The following ACOX3 variants were observed in gnomAD, a reference collection of about 807,000 sequenced individuals.
The protein encoded by ACOX3 is peroxisomal acyl-coenzyme A oxidase 3.
A neutral mutation model predicts 81.5 loss-of-function variants in ACOX3; 73 were observed. The observed-to-expected ratio is 0.90, with a 90% CI of 0.74 to 1.09. ACOX3 has a LOEUF of 1.09. Ranked by LOEUF, ACOX3 falls within the 50% of genes least tolerant of loss-of-function variation. The pLI, the probability that ACOX3 is intolerant of heterozygous loss-of-function variation, is 0.00. For synonymous variants in ACOX3, 387 were observed against 375.1 expected, an observed-to-expected ratio of 1.03 and a Z score of -0.37; for missense variants, 947 against 928.0, an observed-to-expected ratio of 1.02 and a Z score of -0.27.
chr4:8,387,151 C>T (rs1242455605), intron 13 of ACOX3, among the ~76,000 whole-genome samples: 1 of 152,284 alleles, frequency 6.6e-6, no homozygotes, highest in Non-Finnish European at 1.5e-5. Flanking sequence ...AACTCTGTGG[C>T]TGCTGAGCTG....
chr4:8,367,189 A>G lies in ACOX3; in HGVS notation c.1984-109T>C, dbSNP rs554924029. The G allele has an allele frequency of 1.0e-3, 1,474 of 1,439,752 alleles. 2 individuals carry two copies. The highest frequency in any genetic ancestry group is 1.3e-3 in the Non-Finnish European group (1,351 of 1,069,816). The allele number at this position is 1,439,752 out of a possible 1,614,324, so 89.2% of individuals were successfully genotyped here. A position where few individuals can be genotyped will look rare whatever the true frequency, so the allele number is the denominator to read the frequency against. On this transcript the variant is annotated intron_variant, in intron 17 of 17. Transcript: ENST00000356406. ...TCCTCAAAGTTTTTGTTAAAAACAC[A>G]GGAAATTCGGCTGGGCACAGTGGCT...
rs763826757 is a variant in ACOX3 at position 8,432,522 on chromosome 4, C to A, written c.-15+8126G>T. Among the ~76,000 whole-genome samples, 2 of 152,076 alleles carry A rather than the reference C, an allele frequency of 1.3e-5. No individual in the cohort carries two copies. Among genetic ancestry groups the A allele is most frequent in the Non-Finnish European group, 2.9e-5 (2 of 68,026 alleles). ...TGCTGGGATTACAGGCGTGAGCCAC[C>A]GCGCCCGGCCTGATTTTTTTTTTTA... On this transcript the variant is annotated intron_variant, in intron 1 of 17. Coordinates refer to ENST00000356406, the MANE Select transcript of ACOX3 (RefSeq NM_003501.3). This position sits in a 1 kb window ranked among gnomAD's most constrained non-coding sequence, Gnocchi z 6.2.
At chr4:8,429,856 C>T (rs903261865) in intron 1 of ACOX3, among the ~76,000 whole-genome samples, 1 of 152,108 alleles carries the variant, frequency 6.6e-6, no homozygotes, top group Middle Eastern at 3.4e-3. Context: ...GCGGGAGAAT[C>T]ACTTGAGCCC....
At chr4:8,356,607 C>T in the ACOX3 span, 30 of 456,066 alleles carry the variant, frequency 6.6e-5, no homozygotes, top group East Asian at 5.6e-4. Flanking sequence ...GAATGGTGTA[C>T]GCTAACATGA....
rs1719418674 is a variant in ACOX3, at chr4:8,394,325, G to C, written c.1179+295C>G. Among the ~76,000 whole-genome samples, 1 of 152,172 alleles carries C rather than the reference G, an allele frequency of 6.6e-6. No homozygotes were observed. Among genetic ancestry groups the C allele is most frequent in the Admixed American group, 6.5e-5 (1 of 15,278 alleles). ...AACCATGAAATCCACTGAGGGGCGG[G>C]TAACGTGGATTTTGCAAAACCGTCA... is the stretch of plus-strand genomic sequence containing the variant. On this transcript the variant is annotated intron_variant, in intron 10 of 17. Transcript: ENST00000356406. This position sits in a 1 kb window ranked among gnomAD's most constrained non-coding sequence, Gnocchi z 5.9.
intron 6 of ACOX3, 50 bp downstream of exon 6, chr4:8,410,162 C>G: frequency 6.3e-7 from 1 of 1,581,782 alleles, no homozygotes. Context: ...ATTACCAGTG[C>G]TTCCTGGGGG....
chr4:8,404,305 C>T (rs1259307325), intron 7 of ACOX3, among the ~76,000 whole-genome samples: 2 of 152,192 alleles, frequency 1.3e-5, no homozygotes, highest in African/African-American at 2.4e-5. Context: ...GTCGGGGTGG[C>T]GCTCTCCTCC....
At chr4:8,361,455 AAAGGATTGTTTTAAATTAGAATC>A (rs1715233414), downstream of ACOX3, among the ~76,000 whole-genome samples, 1 of 150,228 alleles carries the variant, frequency 6.7e-6, no homozygotes, top group Non-Finnish European at 1.5e-5. Context: ...AAAAAAAAAA[AAAGGATTGTTTTAAATTAGAATC>A]AAGCTGAAGG....
At chr4:8,415,279 G>C (rs928058579) in intron 3 of ACOX3, among the ~76,000 whole-genome samples, 1 of 152,218 alleles carries the variant, frequency 6.6e-6, no homozygotes, top group African/African-American at 2.4e-5. Context: ...TGTAAGGAGA[G>C]CAGAGCCCAC....
rs1359781272 is a variant in ACOX3, at chr4:8,384,621, C to T, written c.1538-3014G>A. Among the ~76,000 whole-genome samples, 1 of 152,196 alleles carries T rather than the reference C, an allele frequency of 6.6e-6. No homozygotes were observed. Among genetic ancestry groups the T allele is most frequent in the Non-Finnish European group, 1.5e-5 (1 of 68,032 alleles). Reference sequence around the variant, plus strand: ...GTGCACCCAATGACTGCCCCTCGATCTGCCCCCTCCCCAGCTGGGGCTCTG... The same window carrying T: ...GTGCACCCAATGACTGCCCCTCGATTTGCCCCCTCCCCAGCTGGGGCTCTG... On this transcript the variant is annotated intron_variant, in intron 13 of 17. Transcript: ENST00000356406. The surrounding 1 kb of genome is among the most constrained non-coding windows in gnomAD (Gnocchi z 5.3).
intron 5 of ACOX3, among the ~76,000 whole-genome samples, chr4:8,411,509 C>A (rs1721722679): frequency 6.6e-6 from 1 of 152,180 alleles, no homozygotes; most frequent in African/African-American, 2.4e-5. Flanking sequence ...GTAAGGAGGG[C>A]TCCCAGTCTC....
At chr4:8,418,737 G>A (rs1232044148) in intron 1 of ACOX3, among the ~76,000 whole-genome samples, 3 of 152,062 alleles carry the variant, frequency 2.0e-5, no homozygotes, top group Admixed American at 6.6e-5. Flanking sequence ...GCGCATGCTT[G>A]TAATCCCAGA....
rs1723903265 is a variant in ACOX3, at chr4:8,430,663, C to T, written c.-15+9985G>A. Among the ~76,000 whole-genome samples, 1 of 152,148 alleles carries T rather than the reference C, an allele frequency of 6.6e-6. No homozygotes were observed. The highest frequency in any genetic ancestry group is 2.4e-5 in the African/African-American group (1 of 41,422). ...TTGAGGTCAGGAGTTTGAGACCAGC[C>T]TGGCCAACATGGTGAAACCCCATCT... On this transcript the variant is annotated intron_variant, in intron 1 of 17. Transcript: ENST00000356406. This position sits in a 1 kb window ranked among gnomAD's most constrained non-coding sequence, Gnocchi z 5.2.
In ACOX3 at chr4:8,430,272, C is replaced by T. The variant is rs1007313028; in HGVS notation, c.-15+10376G>A. Among the ~76,000 whole-genome samples the T allele has an allele frequency of 6.6e-6, 1 of 152,180 alleles. No individual in the cohort carries two copies. The highest frequency in any genetic ancestry group is 1.5e-5 in the Non-Finnish European group (1 of 68,036). ...AGATCATTTCGGGCCTGGCAGGTACCCTGCTAAGCAGTCGGAAGTGATCCT... is the reference window on the plus strand; with the variant it reads ...AGATCATTTCGGGCCTGGCAGGTACTCTGCTAAGCAGTCGGAAGTGATCCT... On this transcript the variant is annotated intron_variant, in intron 1 of 17. Transcript: ENST00000356406. This position sits in a 1 kb window ranked among gnomAD's most constrained non-coding sequence, Gnocchi z 5.2.
chr4:8,368,290 C>T lies in ACOX3; in HGVS notation c.1984-1210G>A, dbSNP rs1390069345. ...TCACTGCTCTCAGCCTAAGTGGCCTCACTGGGAAGATGGGGAGAGACGCTC... is the reference window on the plus strand; with the variant it reads ...TCACTGCTCTCAGCCTAAGTGGCCTTACTGGGAAGATGGGGAGAGACGCTC... On this transcript the variant is annotated intron_variant, in intron 17 of 17. Coordinates refer to ENST00000356406, the MANE Select transcript of ACOX3 (RefSeq NM_003501.3). This position sits in a 1 kb window ranked among gnomAD's most constrained non-coding sequence, Gnocchi z 5.9. 1.3e-5 allele frequency among the ~76,000 whole-genome samples: 2 copies of T among 152,244 alleles called. No individual in the cohort carries two copies.
rs757468917 is a variant in ACOX3 at position 8,399,541 on chromosome 4, C to A, written c.873+15G>T. The A allele has an allele frequency of 1.2e-6, 2 of 1,602,122 alleles. No individual in the cohort carries two copies. Among genetic ancestry groups the A allele is most frequent in the South Asian group, 1.1e-5 (1 of 90,704 alleles). On this transcript the variant is annotated intron_variant, in intron 8 of 17. Transcript: ENST00000356406. This position sits in a 1 kb window ranked among gnomAD's most constrained non-coding sequence, Gnocchi z 4.9. ...CTGGGAAGCACGGCACACGAACGGC[C>A]CCCCATGCCTGTACCTTAAAGGGGC...
At position 8,419,143 on chromosome 4, in the gene ACOX3, C is replaced by A. The variant is rs1415644349; in HGVS notation, c.-14-2608G>T. Among the ~76,000 whole-genome samples the A allele has an allele frequency of 5.3e-5, 8 of 151,716 alleles. No homozygotes were observed. Among genetic ancestry groups the A allele is most frequent in the Non-Finnish European group, 8.8e-5 (6 of 67,912 alleles). On this transcript the variant is annotated intron_variant, in intron 1 of 17. Transcript: ENST00000356406. This position sits in a 1 kb window ranked among gnomAD's most constrained non-coding sequence, Gnocchi z 4.2. Reference sequence around the variant, plus strand: ...CAGCAAGACCTTATCTCTTAAAGAACCAGATAAATAGGCCAGGCGCAGTGG... The same window carrying A: ...CAGCAAGACCTTATCTCTTAAAGAAACAGATAAATAGGCCAGGCGCAGTGG...
chr4:8,420,262 T>C (rs188888142), intron 1 of ACOX3, among the ~76,000 whole-genome samples: 175 of 152,320 alleles, frequency 1.1e-3, no homozygotes, highest in Middle Eastern at 3.4e-3. Flanking sequence ...GAGATAAGGA[T>C]TGTGAAGCCA....
At chr4:8,403,769 TA>T (rs1720617520) in intron 7 of ACOX3, among the ~76,000 whole-genome samples, 2 of 152,128 alleles carry the variant, frequency 1.3e-5, no homozygotes, top group Non-Finnish European at 1.5e-5. Flanking sequence ...ATACGTTTAT[TA>T]GGGGGGAACC....
Sources: allele counts gnomAD v4.1 joint callset (sites outside exome capture counted in the v4.1 genomes callset), GRCh38; gene constraint gnomAD v4.1.1; non-coding constraint Gnocchi (gnomAD v3.1); transcripts MANE v1.5; gene names NCBI Gene and HGNC (gene_info 2026-07-23, HGNC 2026-07-21).